C5: variants seen among roughly 807,000 people sequenced by gnomAD.
C5 encodes the protein complement C5, also known as C3 and PZP-like alpha-2-macroglobulin domain-containing protein 4.
A neutral mutation model predicts 218.8 loss-of-function variants in C5; 140 were observed. That is an observed-to-expected ratio of 0.64 (90% CI 0.56 to 0.74). The LOEUF (loss-of-function observed/expected upper bound fraction) is 0.74, where lower values mean the gene tolerates loss of function less well. C5 is among the 30% of genes least tolerant of loss of function. The pLI, the probability that C5 is intolerant of heterozygous loss-of-function variation, is 0.00. For synonymous variants in C5, 614 were observed against 682.3 expected, an observed-to-expected ratio of 0.90 and a Z score of 1.56; for missense variants, 1,700 against 1,969.6, an observed-to-expected ratio of 0.86 and a Z score of 2.59.
intron 38 of C5, 40 bp from the exon 39 acceptor site, chr9:120,957,408 A>G (rs758586344): frequency 8.3e-6 from 12 of 1,438,844 alleles, no homozygotes; most frequent in Middle Eastern, 3.5e-4. Context: ...TTCAGTCTTA[A>G]TACTATTAAT....
chr9:121,018,792 A>AGGAAGGAAGGAAGGAG (rs2047338406), intron 12 of C5, among the ~76,000 whole-genome samples: 1 of 149,330 alleles, frequency 6.7e-6, no homozygotes, highest in Non-Finnish European at 1.5e-5. Context: ...GAAGGAAGGA[A>AGGAAGGAAGGAAGGAG]GGAAGGAAGA....
chr9:121,013,818 A>C, intron 17 of C5, 55 bp downstream of exon 17: 1 of 1,467,900 alleles, frequency 6.8e-7, no homozygotes, highest in Non-Finnish European at 9.5e-7. Context: ...GCAGCATAAA[A>C]TTACACAAAA....
the C5 span, among the ~76,000 whole-genome samples, chr9:121,064,913 A>C: frequency 3.2e-4 from 49 of 152,166 alleles, no homozygotes; most frequent in African/African-American, 1.2e-3. Context: ...AAAAATACAA[A>C]AATTAGCCAG....
At chr9:120,998,402 TTG>T (rs2047135269) in intron 20 of C5, among the ~76,000 whole-genome samples, 1 of 152,246 alleles carries the variant, frequency 6.6e-6, no homozygotes, top group Non-Finnish European at 1.5e-5. Context: ...CTTTACATGT[TTG>T]TGTTTCAGAT....
At chr9:120,977,131 C>A (rs1034395309) in intron 28 of C5, among the ~76,000 whole-genome samples, 1 of 152,048 alleles carries the variant, frequency 6.6e-6, no homozygotes, top group African/African-American at 2.4e-5. Context: ...ATGAAATGCC[C>A]CCAAAATCTG....
intron 32 of C5, 67 bp from the exon 33 acceptor site, chr9:120,969,185 C>T (rs2046891937): frequency 8.0e-7 from 1 of 1,245,550 alleles, no homozygotes; most frequent in Non-Finnish European, 1.2e-6. Flanking sequence ...TGCTTTGGAA[C>T]CTGTCAGAAC....
Position 121,046,380 on chromosome 9 carries a change from A to T in C5, c.69T>A (p.Tyr23Ter). The T allele has an allele frequency of 6.2e-7, 1 of 1,608,964 alleles. No individual in the cohort carries two copies. The highest frequency in any genetic ancestry group is 8.5e-7 in the Non-Finnish European group (1 of 1,175,686). ...GGAATATTTTTGGTGCTGAAATGAC[A>T]TATCTGTTGAAAAAGGAAAAGATAA... is the stretch of plus-strand genomic sequence containing the variant. ...LGKTWGQEQT[Y>*]VISAPKIFRV... Residue 23 changes from tyrosine (Y) to a stop codon, truncating the protein, a stop_gained, in exon 2 of 41, where the codon TAT becomes TAA. Coordinates refer to ENST00000223642, the MANE Select transcript of C5 (RefSeq NM_001735.3). LOFTEE classifies it high-confidence loss of function.
chr9:121,069,980 C>A, the C5 span, among the ~76,000 whole-genome samples: 1 of 152,164 alleles, frequency 6.6e-6, no homozygotes, highest in Non-Finnish European at 1.5e-5. Flanking sequence ...ATCAAAGACA[C>A]GTCTGCATCC....
At position 121,016,320 on chromosome 9, in the gene C5, T is replaced by G. The variant is rs763092186; in HGVS notation, c.1930A>C (p.Asn644His). The change falls in exon 15 of 41, where the codon AAT (asparagine) becomes CAT (histidine). Residue 644 changes from asparagine (N) to histidine (H), a missense_variant. Asn to His is a moderately conservative substitution (Grantham distance 68). Transcript: ENST00000223642. ...GTAAGTCCAGCTAGGTGGAACACATTGGCATTGTTGAGGCCACCACCTGCC... is the reference window on the plus strand; with the variant it reads ...GTAAGTCCAGCTAGGTGGAACACATGGGCATTGTTGAGGCCACCACCTGCC... ...CGAGGGLNNA[N>H]VFHLAGLTFL... is the part of the protein sequence containing the mutation. 93 of 1,613,966 alleles carry G rather than the reference T, an allele frequency of 5.8e-5. No individual in the cohort carries two copies. The highest frequency in any genetic ancestry group is 7.8e-5 in the Non-Finnish European group (92 of 1,179,940).
At chr9:120,969,867 C>T (rs1377482386) in intron 32 of C5, among the ~76,000 whole-genome samples, 2 of 152,140 alleles carry the variant, frequency 1.3e-5, no homozygotes, top group Non-Finnish European at 2.9e-5. Context: ...TGGAATTAGA[C>T]CTTAATGTGG....
At chr9:120,980,042 T>C (rs1310816053) in intron 28 of C5, 41 bp downstream of exon 28, 4 of 1,575,512 alleles carry the variant, frequency 2.5e-6, no homozygotes, top group Non-Finnish European at 3.5e-6. Context: ...CTTTATGTCT[T>C]AGTGAACACT....
intron 9 of C5, among the ~76,000 whole-genome samples, chr9:121,025,189 T>A (rs1207636363): frequency 6.6e-6 from 1 of 152,170 alleles, no homozygotes; most frequent in Non-Finnish European, 1.5e-5. Context: ...TGGACATGAA[T>A]TGGGTACTGT....
At chr9:121,038,926 G>A (rs2047553403) in intron 3 of C5, among the ~76,000 whole-genome samples, 1 of 152,104 alleles carries the variant, frequency 6.6e-6, no homozygotes, top group Non-Finnish European at 1.5e-5. Context: ...CCTATCTCCT[G>A]CTTTTTGGGA....
the C5 span, among the ~76,000 whole-genome samples, chr9:121,055,316 T>C: frequency 2.6e-5 from 4 of 152,114 alleles, no homozygotes; most frequent in East Asian, 3.9e-4. Context: ...AGATTTTTTT[T>C]CCTCTGTTAG....
chr9:120,973,145 A>T (rs149823705), intron 30 of C5, among the ~76,000 whole-genome samples: 94 of 152,338 alleles, frequency 6.2e-4, no homozygotes, highest in African/African-American at 2.1e-3. Flanking sequence ...ACATTTCAGG[A>T]AATGCTGGAG....
chr9:120,976,012 G>A (rs1225964005), intron 29 of C5, among the ~76,000 whole-genome samples: 1 of 152,162 alleles, frequency 6.6e-6, no homozygotes, highest in Admixed American at 6.5e-5. Flanking sequence ...CAATAGGGCA[G>A]TCTTTTCTGC....
Position 120,961,473 on chromosome 9 carries a change from A to T in C5, c.4588+9T>A. ...AGCATGCAGCCTAAATATGTTAAAT[A>T]AAGTTTACCTTCTACACACTTGCAC... On this transcript the variant is annotated intron_variant, in intron 37 of 40. Transcript: ENST00000223642. 1.3e-6 allele frequency: 2 copies of T among 1,582,574 alleles called. No homozygotes were observed. Among genetic ancestry groups the T allele is most frequent in the Non-Finnish European group, 1.7e-6 (2 of 1,151,266 alleles).
chr9:121,060,558 AGT>A, the C5 span, among the ~76,000 whole-genome samples: 2 of 152,162 alleles, frequency 1.3e-5, no homozygotes, highest in Non-Finnish European at 2.9e-5. Flanking sequence ...GACATGCTAA[AGT>A]CTCTGTTTTT....
rs1423545606 is a variant in C5, at chr9:121,021,566, A to G, written c.1245T>C (p.Asp415=). 1 of 1,613,910 alleles carries G rather than the reference A, an allele frequency of 6.2e-7. No individual in the cohort carries two copies. Among genetic ancestry groups the G allele is most frequent in the African/African-American group, 1.3e-5 (1 of 74,926 alleles). ...DPSKSVTRVD[D]GVASFVLNLP... Reference sequence around the variant, plus strand: ...GATTAAGCACAAAGGAAGCTACTCCATCATCAACACGTGTTACACTTTTGC... The same window carrying G: ...GATTAAGCACAAAGGAAGCTACTCCGTCATCAACACGTGTTACACTTTTGC... The change falls in exon 11 of 41, where the codon GAT becomes GAC. Residue 415 remains aspartate, a synonymous_variant. Coordinates refer to ENST00000223642, the MANE Select transcript of C5 (RefSeq NM_001735.3).
Sources: gnomAD v4.1 joint callset for allele counts (sites outside exome capture counted in the v4.1 genomes callset) on GRCh38, gnomAD v4.1.1 for gene constraint, MANE v1.5 for transcripts, NCBI Gene and HGNC (gene_info 2026-07-23, HGNC 2026-07-21) for gene names.